Variants in HHAT observed in about 807,000 individuals in gnomAD.
The protein encoded by HHAT is protein-cysteine N-palmitoyltransferase HHAT.
In HHAT, 47 loss-of-function variants were observed where a neutral mutation model predicts 70.8. That is an observed-to-expected ratio of 0.66 (90% CI 0.53 to 0.85). The LOEUF is 0.85. Among genes scored for constraint, HHAT ranks in the 40% least tolerant of loss-of-function variants. HHAT has a pLI of 0.00. For missense variants in HHAT, 609 were observed against 604.8 expected (o/e 1.01, Z -0.07); for synonymous variants, 228 against 247.6 (o/e 0.92, Z 0.74).
intron 3 of HHAT, among the ~76,000 whole-genome samples, chr1:210,387,205 A>G (rs982443842): frequency 2.0e-5 from 3 of 152,208 alleles, no homozygotes; most frequent in East Asian, 1.9e-4. Context: ...ACTGAGTTGT[A>G]GAAAGTCCGA....
intron 10 of HHAT, among the ~76,000 whole-genome samples, chr1:210,610,054 G>T (rs60650082): frequency 0.091 from 13,877 of 152,196 alleles, 1,556 homozygotes; most frequent in African/African-American, 0.27. Flanking sequence ...GGGCCAAATG[G>T]TATTTCTGCT....
At chr1:210,520,013 C>G (rs1404624320) in intron 9 of HHAT, among the ~76,000 whole-genome samples, 1 of 82,998 alleles carries the variant, frequency 1.2e-5, no homozygotes, top group Non-Finnish European at 3.0e-5. Flanking sequence ...ATTTTAAAAC[C>G]CTTTGTTTTT....
chr1:210,351,302 C>T (rs11119466), intron 2 of HHAT, among the ~76,000 whole-genome samples: 39,454 of 152,070 alleles, frequency 0.26, 6,052 homozygotes, highest in South Asian at 0.34. Flanking sequence ...ATGGTGCCCA[C>T]CTGCATTAAA....
chr1:210,581,416 T>C (rs1659241308), intron 9 of HHAT, among the ~76,000 whole-genome samples: 1 of 152,178 alleles, frequency 6.6e-6, no homozygotes, highest in Non-Finnish European at 1.5e-5. Context: ...CCATGAGAGC[T>C]GGGCTCAGGA....
intron 1 of HHAT, among the ~76,000 whole-genome samples, chr1:210,330,911 G>A (rs1041044082): frequency 6.6e-6 from 1 of 152,140 alleles, no homozygotes; most frequent in Non-Finnish European, 1.5e-5. Flanking sequence ...CTCCACCTCT[G>A]GGGATCAAGC....
intron 8 of HHAT, among the ~76,000 whole-genome samples, chr1:210,467,737 C>T (rs1430494075): frequency 6.6e-6 from 1 of 152,144 alleles, no homozygotes; most frequent in Admixed American, 6.5e-5. Context: ...CTGAACTTCT[C>T]AAAGATCTAC....
intron 10 of HHAT, among the ~76,000 whole-genome samples, chr1:210,602,060 G>C (rs563550394): frequency 6.6e-6 from 1 of 152,084 alleles, no homozygotes; most frequent in African/African-American, 2.4e-5. Flanking sequence ...TGGATCGAGG[G>C]GGAGCTGAGG....
At chr1:210,462,744 C>T (rs1229010025) in intron 7 of HHAT, 1 of 154,256 alleles carries the variant, frequency 6.5e-6, no homozygotes, top group Non-Finnish European at 1.4e-5. Context: ...TCTGCCATCA[C>T]CCAAACTGTA....
rs115705426 is a variant in HHAT, at chr1:210,504,285, G to C, written c.1008-8868G>C. Among the ~76,000 whole-genome samples, 1,073 of 152,330 alleles carry C rather than the reference G, an allele frequency of 7.0e-3. 14 individuals carry two copies. Among genetic ancestry groups the C allele is most frequent in the African/African-American group, 0.025 (1,035 of 41,570 alleles). On this transcript the variant is annotated intron_variant, in intron 8 of 11. Coordinates refer to ENST00000261458, the MANE Select transcript of HHAT (RefSeq NM_018194.6). ...ATATAGTTTGGAGAATACTCTGTTA[G>C]GATTCTTAATGACGTCTAAGGAGGA...
At chr1:210,420,754 T>C (rs2092878430) in intron 7 of HHAT, among the ~76,000 whole-genome samples, 1 of 151,938 alleles carries the variant, frequency 6.6e-6, no homozygotes, top group Non-Finnish European at 1.5e-5. Context: ...GTGTGTAAAC[T>C]CTCACAAAGC....
At chr1:210,529,318 GAAAAAA>G (rs10584556) in intron 9 of HHAT, among the ~76,000 whole-genome samples, 4 of 118,764 alleles carry the variant, frequency 3.4e-5, no homozygotes, top group African/African-American at 1.3e-4. Context: ...AAAAACAAAG[GAAAAAA>G]AAAAAAAAAG....
chr1:210,537,101 A>C (rs979584705), intron 9 of HHAT, among the ~76,000 whole-genome samples: 5 of 152,140 alleles, frequency 3.3e-5, no homozygotes, highest in Admixed American at 6.5e-5. Flanking sequence ...TCCTCACCCA[A>C]CTGCCACTGT....
At chr1:210,470,662 C>T (rs2094188465) in intron 8 of HHAT, among the ~76,000 whole-genome samples, 1 of 152,096 alleles carries the variant, frequency 6.6e-6, no homozygotes, top group Non-Finnish European at 1.5e-5. Flanking sequence ...TTTTGGGTGC[C>T]TTTACTATTG....
intron 11 of HHAT, among the ~76,000 whole-genome samples, chr1:210,637,679 T>TTG (rs1173889626): frequency 1.3e-5 from 2 of 151,736 alleles, no homozygotes; most frequent in East Asian, 3.9e-4. Flanking sequence ...GGCCAACATG[T>TTG]TGAAACCCCG....
intron 7 of HHAT, among the ~76,000 whole-genome samples, chr1:210,430,496 CTA>C (rs750455974): frequency 2.6e-5 from 4 of 151,844 alleles, no homozygotes; most frequent in Non-Finnish European, 5.9e-5. Context: ...TTTAACATTA[CTA>C]TGTTTTTTCT....
rs781202196 is a variant in HHAT, at chr1:210,600,389, CTG to C, written c.1245+12291_1245+12292del. 8.5e-5 allele frequency among the ~76,000 whole-genome samples: 13 copies of C among 152,220 alleles called. No homozygotes were observed. The East Asian group carries it at 1.7e-3, about 20-fold the overall frequency. On this transcript the variant is annotated intron_variant, in intron 10 of 11. Coordinates refer to ENST00000261458, the MANE Select transcript of HHAT (RefSeq NM_018194.6). Reference sequence around the variant, plus strand: ...GATTGAATACCGAAAAAAACTAAAACTGAGAGTTATTGAGTATTGGGGGACTA... The same window carrying C: ...GATTGAATACCGAAAAAAACTAAAACAGAGTTATTGAGTATTGGGGGACTA...
At chr1:210,468,235 T>C (rs969798791) in intron 8 of HHAT, among the ~76,000 whole-genome samples, 3 of 152,236 alleles carry the variant, frequency 2.0e-5, no homozygotes, top group African/African-American at 7.2e-5. Flanking sequence ...CTGAGATCTG[T>C]AATGAGCATT....
chr1:210,354,792 C>T (rs2087441401), intron 2 of HHAT, among the ~76,000 whole-genome samples: 1 of 152,018 alleles, frequency 6.6e-6, no homozygotes, highest in Non-Finnish European at 1.5e-5. Flanking sequence ...GTTATTGGTT[C>T]TTTGTTTTCA....
At chr1:210,457,117 C>G (rs2093885706) in intron 7 of HHAT, among the ~76,000 whole-genome samples, 1 of 152,178 alleles carries the variant, frequency 6.6e-6, no homozygotes, top group South Asian at 2.1e-4. Context: ...CATGATGACT[C>G]TGAGCACTGG....
Sources: gnomAD v4.1 joint callset for allele counts (sites outside exome capture counted in the v4.1 genomes callset) on GRCh38, gnomAD v4.1.1 for gene constraint, MANE v1.5 for transcripts, NCBI Gene and HGNC (gene_info 2026-07-23, HGNC 2026-07-21) for gene names.